Variants in CLRN1 observed in about 807,000 individuals in gnomAD.
CLRN1 encodes the protein clarin 1, also known as clarin-1.
A neutral mutation model predicts 18.7 loss-of-function variants in CLRN1; 15 were observed. That is an observed-to-expected ratio of 0.80 (90% CI 0.54 to 1.23). The LOEUF is 1.23. CLRN1 is among the 50% of genes most tolerant of loss of function. The pLI is 0.00. For missense variants in CLRN1, 311 were observed against 277.5 expected, an observed-to-expected ratio of 1.12 and a Z score of -0.86; for synonymous variants, 104 against 102.9, an observed-to-expected ratio of 1.01 and a Z score of -0.07.
intron 1 of CLRN1, among the ~76,000 whole-genome samples, chr3:150,961,292 G>A (rs565278052): frequency 6.6e-6 from 1 of 152,220 alleles, no homozygotes; most frequent in East Asian, 1.9e-4. Flanking sequence ...GCACATTAGA[G>A]TCCCTGAGGA....
In CLRN1 at chr3:150,941,627, T is replaced by C; in HGVS notation, c.388A>G (p.Thr130Ala). 6.2e-7 allele frequency: 1 copy of C among 1,613,872 alleles called. No individual in the cohort carries two copies. The highest frequency in any genetic ancestry group is 1.3e-5 in the African/African-American group (1 of 74,968). Residue 130 changes from threonine to alanine, a missense_variant, in exon 2 of 3, where the codon ACT becomes GCT. Transcript: ENST00000327047. ...MYNAFGKPFE[T>A]LHGPLGLYLL... is the part of the protein sequence containing the mutation. The stretch of plus-strand genomic sequence containing the variant: ...TACAGCCCTAGGGGACCATGCAGAG[T>C]TTCAAAAGGTTTTCCAAAAGCATTG...
intron 1 of CLRN1, among the ~76,000 whole-genome samples, chr3:150,965,243 T>C (rs1449622381): frequency 1.3e-5 from 2 of 152,122 alleles, no homozygotes; most frequent in African/African-American, 4.8e-5. Context: ...TGTGGTGACC[T>C]CTCTGTTTCC....
chr3:150,932,929 A>T (rs1332267974), intron 2 of CLRN1, among the ~76,000 whole-genome samples: 1 of 152,218 alleles, frequency 6.6e-6, no homozygotes, highest in Non-Finnish European at 1.5e-5. Flanking sequence ...CATTGGGTCT[A>T]GCCTTTTCAC....
chr3:150,937,933 G>A (rs11919813), intron 2 of CLRN1, among the ~76,000 whole-genome samples: 32,628 of 152,064 alleles, frequency 0.21, 4,087 homozygotes, highest in Middle Eastern at 0.37. Flanking sequence ...ACTCTGGGCA[G>A]TGTGGAAAGG....
chr3:150,942,738 G>A (rs372864591), intron 1 of CLRN1: 2 of 305,870 alleles, frequency 6.5e-6, no homozygotes, highest in African/African-American at 2.3e-5. Flanking sequence ...CCCCTTTTAC[G>A]CATGTGTCAC....
At chr3:150,934,735 C>G (rs1441037837) in intron 2 of CLRN1, among the ~76,000 whole-genome samples, 1 of 152,168 alleles carries the variant, frequency 6.6e-6, no homozygotes, top group Non-Finnish European at 1.5e-5. Context: ...CAACTAAAAA[C>G]TATGAATCTA....
chr3:150,944,008 A>C (rs1252075945), intron 1 of CLRN1: 1 of 1,067,948 alleles, frequency 9.4e-7, no homozygotes, highest in African/African-American at 1.6e-5. Flanking sequence ...CAACAACAAG[A>C]TAGTTTCAGA....
intron 1 of CLRN1, among the ~76,000 whole-genome samples, chr3:150,965,457 A>G (rs536102719): frequency 1.3e-5 from 2 of 152,344 alleles, no homozygotes; most frequent in South Asian, 4.1e-4. Flanking sequence ...TTCAATATTA[A>G]TGAGTATATA....
At chr3:150,926,279 G>A (rs1250718208), downstream of CLRN1, 1 of 159,168 alleles carries the variant, frequency 6.3e-6, no homozygotes, top group Non-Finnish European at 1.4e-5. Context: ...AAAAAGCCTG[G>A]TGTTCGAAGG....
At chr3:150,964,830 C>G (rs1715190536) in intron 1 of CLRN1, among the ~76,000 whole-genome samples, 1 of 152,020 alleles carries the variant, frequency 6.6e-6, no homozygotes, top group Non-Finnish European at 1.5e-5. Context: ...TGTTCTCACT[C>G]ATAAGTGGGA....
At chr3:150,945,358 A>T (rs936563791) in intron 1 of CLRN1, among the ~76,000 whole-genome samples, 1 of 152,208 alleles carries the variant, frequency 6.6e-6, no homozygotes, top group South Asian at 2.1e-4. Flanking sequence ...CAAATGGAAA[A>T]AAATGTTTCA....
chr3:150,928,008 A>T lies in CLRN1; in HGVS notation c.627T>A (p.Ala209=). Residue 209 remains alanine (A), a synonymous_variant, in exon 3 of 3, where the codon GCT becomes GCA. Coordinates refer to ENST00000327047, the MANE Select transcript of CLRN1 (RefSeq NM_174878.3). ...ATTTTGCAAAAGGGAACTGAAATCC[A>T]GCAAGTCGTATTAGGAGCCCATTCA... is the stretch of plus-strand genomic sequence containing the variant. ...HFLNGLLIRL[A]GFQFPFAKSK... is the part of the protein sequence containing the mutation. 6.2e-7 allele frequency: 1 copy of T among 1,614,212 alleles called. No homozygotes were observed. Among genetic ancestry groups the T allele is most frequent in the Non-Finnish European group, 8.5e-7 (1 of 1,180,034 alleles).
At chr3:150,946,091 T>G (rs527766733) in intron 1 of CLRN1, among the ~76,000 whole-genome samples, 24 of 152,216 alleles carry the variant, frequency 1.6e-4, no homozygotes, top group African/African-American at 5.5e-4. Flanking sequence ...TATAACAACA[T>G]GTATGGAATT....
intron 2 of CLRN1, among the ~76,000 whole-genome samples, chr3:150,937,331 C>A (rs376291847): frequency 6.6e-6 from 1 of 152,126 alleles, no homozygotes; most frequent in Non-Finnish European, 1.5e-5. Context: ...TAATGGCTGG[C>A]ACATAATGGG....
chr3:150,938,367 A>G (rs1713614706), intron 2 of CLRN1, among the ~76,000 whole-genome samples: 1 of 152,132 alleles, frequency 6.6e-6, no homozygotes. Flanking sequence ...TGTTTGGGAT[A>G]AGGGCTACAA....
chr3:150,930,669 G>A (rs1367055520), intron 2 of CLRN1, among the ~76,000 whole-genome samples: 1 of 152,074 alleles, frequency 6.6e-6, no homozygotes, highest in African/African-American at 2.4e-5. Flanking sequence ...TTCGAAAATT[G>A]TGGAGAAAAT....
chr3:150,935,540 A>G (rs1417166327), intron 2 of CLRN1, among the ~76,000 whole-genome samples: 5 of 149,786 alleles, frequency 3.3e-5, no homozygotes, highest in East Asian at 2.0e-4. Context: ...AATCCAGTCT[A>G]TCATTGTTGG....
intron 1 of CLRN1, among the ~76,000 whole-genome samples, chr3:150,970,562 C>T (rs549840117): frequency 1.3e-5 from 2 of 151,204 alleles, no homozygotes; most frequent in South Asian, 4.2e-4. Flanking sequence ...CTGGGCCTCA[C>T]CAAAATGAAT....
At position 150,927,045 on chromosome 3, in the gene CLRN1, C is replaced by A. The variant is rs1441268591; in HGVS notation, c.*891G>T. 3.4e-6 allele frequency: 4 copies of A among 1,179,390 alleles called. No homozygotes were observed. Among genetic ancestry groups the A allele is most frequent in the East Asian group, 2.5e-5 (1 of 39,246 alleles). 73.1% of individuals were successfully genotyped at this position (1,179,390 alleles called of 1,614,324 possible). On this transcript the variant is annotated 3_prime_UTR_variant, in exon 3 of 3. Coordinates refer to ENST00000327047, the MANE Select transcript of CLRN1 (RefSeq NM_174878.3). ...CGAGACACTATAGCTAGAAAAACAG[C>A]CCCTAATAAGTCATTTTGCATCAAA...
Sources: allele counts gnomAD v4.1 joint callset (sites outside exome capture counted in the v4.1 genomes callset), GRCh38; gene constraint gnomAD v4.1.1; transcripts MANE v1.5; gene names NCBI Gene and HGNC (gene_info 2026-07-23, HGNC 2026-07-21).